MARCHF1: variants seen among roughly 807,000 people sequenced by gnomAD.
MARCHF1 encodes membrane associated ring-CH-type finger 1, also known as E3 ubiquitin-protein ligase MARCHF1.
In MARCHF1, 40 loss-of-function variants were observed where a neutral mutation model predicts 54.2. That is an observed-to-expected ratio of 0.74 (90% CI 0.57 to 0.96). The LOEUF (loss-of-function observed/expected upper bound fraction) is 0.96, where lower values mean the gene tolerates loss of function less well. MARCHF1 is among the 40% of genes least tolerant of loss of function. The probability of loss-of-function intolerance (pLI) is 0.00; values close to 1 mark genes in which losing one functional copy is unlikely to be tolerated. For synonymous variants in MARCHF1, 236 were observed against 236.3 expected (o/e 1.00, Z 0.01); for missense variants, 586 against 656.5 (o/e 0.89, Z 1.17).
At chr4:163,710,591 T>C (rs1745079088) in intron 4 of MARCHF1, among the ~76,000 whole-genome samples, 1 of 152,200 alleles carries the variant, frequency 6.6e-6, no homozygotes, top group South Asian at 2.1e-4. Context: ...CTGAACAAGT[T>C]AGTAATTGTA....
chr4:163,629,171 A>C (rs537057501), intron 5 of MARCHF1, among the ~76,000 whole-genome samples: 1 of 152,236 alleles, frequency 6.6e-6, no homozygotes, highest in Non-Finnish European at 1.5e-5. Flanking sequence ...GCAAGGCTAC[A>C]GTAACCAAAA....
chr4:163,805,863 C>G (rs1211459745), intron 4 of MARCHF1, among the ~76,000 whole-genome samples: 1 of 152,138 alleles, frequency 6.6e-6, no homozygotes, highest in East Asian at 1.9e-4. Context: ...GTTCTCTTAC[C>G]TTTGCCAAAA....
At chr4:164,043,863 C>T (rs923479727) in intron 2 of MARCHF1, among the ~76,000 whole-genome samples, 6 of 152,162 alleles carry the variant, frequency 3.9e-5, no homozygotes, top group Non-Finnish European at 8.8e-5. Flanking sequence ...GAAATTTCTT[C>T]CACCAGATGC....
intron 3 of MARCHF1, among the ~76,000 whole-genome samples, chr4:163,964,283 A>G (rs1040572236): frequency 6.6e-6 from 1 of 152,008 alleles, no homozygotes; most frequent in Non-Finnish European, 1.5e-5. Flanking sequence ...CTTCACTATG[A>G]GTAGAAACTC....
intron 3 of MARCHF1, among the ~76,000 whole-genome samples, chr4:163,944,192 C>A (rs1751979116): frequency 6.8e-6 from 1 of 147,274 alleles, no homozygotes; most frequent in East Asian, 2.0e-4. Flanking sequence ...CCATGTTAGC[C>A]AGGATGGTCT....
chr4:163,790,327 G>A (rs181037397), intron 4 of MARCHF1, among the ~76,000 whole-genome samples: 1 of 152,160 alleles, frequency 6.6e-6, no homozygotes, highest in Admixed American at 6.6e-5. Context: ...AAAGACAAAT[G>A]GTAGTGGCTC....
At chr4:164,346,270 A>C (rs995804504) in intron 1 of MARCHF1, among the ~76,000 whole-genome samples, 2 of 152,180 alleles carry the variant, frequency 1.3e-5, no homozygotes, top group South Asian at 2.1e-4. Context: ...GACAAAGGAC[A>C]TACTGGCATA....
chr4:163,952,955 A>G (rs1752162052), intron 3 of MARCHF1, among the ~76,000 whole-genome samples: 1 of 152,202 alleles, frequency 6.6e-6, no homozygotes, highest in Non-Finnish European at 1.5e-5. Flanking sequence ...ATCAGGCTAG[A>G]AAGGCTAAAA....
chr4:164,164,936 C>T (rs565826520), intron 1 of MARCHF1, among the ~76,000 whole-genome samples: 1 of 152,104 alleles, frequency 6.6e-6, no homozygotes, highest in South Asian at 2.1e-4. Context: ...TAGAGGAAAG[C>T]ATCTAGAATC....
chr4:164,367,470 A>AAT lies in MARCHF1; in HGVS notation c.-323+16398_-323+16399dup, dbSNP rs562183472. 2.8e-4 allele frequency among the ~76,000 whole-genome samples: 42 copies of AAT among 152,184 alleles called. No homozygotes were observed. The South Asian group carries it at 8.3e-3, about 30-fold the overall frequency. ...TACCCTTAAAATGTTAATTGGATGA[A>AAT]ATATATTAATAGGTCTTCTAAAGTT... On this transcript the variant is annotated intron_variant, in intron 1 of 9. Coordinates refer to ENST00000514618, the MANE Select transcript of MARCHF1 (RefSeq NM_001394959.1).
chr4:164,143,873 C>G (rs1214314738), intron 1 of MARCHF1, among the ~76,000 whole-genome samples: 1 of 152,166 alleles, frequency 6.6e-6, no homozygotes, highest in Non-Finnish European at 1.5e-5. Flanking sequence ...AAGACACAGA[C>G]TGGCAAATTG....
At chr4:164,292,710 A>C (rs1734313863) in intron 1 of MARCHF1, among the ~76,000 whole-genome samples, 1 of 152,208 alleles carries the variant, frequency 6.6e-6, no homozygotes, top group African/African-American at 2.4e-5. Flanking sequence ...AGAAACGTTA[A>C]AATGTATAAA....
intron 1 of MARCHF1, among the ~76,000 whole-genome samples, chr4:164,309,254 C>CTGTGTGTGTGTGTG (rs10577361): frequency 1.4e-5 from 2 of 147,848 alleles, no homozygotes; most frequent in Non-Finnish European, 3.0e-5. Context: ...AATTTCTAAC[C>CTGTGTGTGTGTGTG]TGTGTGTGTG....
At chr4:164,115,789 A>G (rs1755926932) in intron 1 of MARCHF1, among the ~76,000 whole-genome samples, 1 of 152,096 alleles carries the variant, frequency 6.6e-6, no homozygotes, top group Non-Finnish European at 1.5e-5. Flanking sequence ...AGATGAAACA[A>G]TAAGATACAA....
At chr4:163,544,621 T>C (rs1409356895) in intron 9 of MARCHF1, among the ~76,000 whole-genome samples, 1 of 152,202 alleles carries the variant, frequency 6.6e-6, no homozygotes, top group African/African-American at 2.4e-5. Context: ...TCCCCTTCTG[T>C]GTTTATGAAT....
chr4:164,179,970 A>G (rs1730790498), intron 1 of MARCHF1, among the ~76,000 whole-genome samples: 1 of 149,088 alleles, frequency 6.7e-6, no homozygotes, highest in Non-Finnish European at 1.5e-5. Flanking sequence ...TCCATACTAG[A>G]TGGTAAAACT....
rs1194371691 is a variant in MARCHF1, at chr4:163,989,584, C to T, written c.-247-875G>A. On this transcript the variant is annotated intron_variant, in intron 2 of 9. Coordinates refer to ENST00000514618, the MANE Select transcript of MARCHF1 (RefSeq NM_001394959.1). ...TATTACTGTCCTCTCAAAAGTTATA[C>T]AATTTGGAAGAAGTAAATGGTTAAT... is the stretch of plus-strand genomic sequence containing the variant. Among the ~76,000 whole-genome samples the T allele has an allele frequency of 2.0e-5, 3 of 152,130 alleles. No homozygotes were observed. In the East Asian group the frequency reaches 5.8e-4, roughly 29 times the overall value.
At position 163,952,377 on chromosome 4, in the gene MARCHF1, C is replaced by T. The variant is rs547993811; in HGVS notation, c.-39+36124G>A. 1.5e-4 allele frequency among the ~76,000 whole-genome samples: 23 copies of T among 152,228 alleles called. 1 individual carries two copies. The highest frequency in any genetic ancestry group is 5.5e-4 in the African/African-American group (23 of 41,538). On this transcript the variant is annotated intron_variant, in intron 3 of 9. Coordinates refer to ENST00000514618, the MANE Select transcript of MARCHF1 (RefSeq NM_001394959.1). ...TACTCTACACGCTAGTGCAAAGCTT[C>T]TATACTAATATTTTCAATGTCCTAC... is the stretch of plus-strand genomic sequence containing the variant.
chr4:164,021,420 A>G (rs1753661880), intron 2 of MARCHF1, among the ~76,000 whole-genome samples: 1 of 152,014 alleles, frequency 6.6e-6, no homozygotes. Context: ...TTTTTTATTT[A>G]CTTAACCCCA....
Sources: gnomAD v4.1 joint callset for allele counts (sites outside exome capture counted in the v4.1 genomes callset) on GRCh38, gnomAD v4.1.1 for gene constraint, MANE v1.5 for transcripts, NCBI Gene and HGNC (gene_info 2026-07-23, HGNC 2026-07-21) for gene names.